A2ML1: variants seen among roughly 807,000 people sequenced by gnomAD.
A2ML1 encodes alpha-2-macroglobulin like 1.
A2ML1 carries 161 observed loss-of-function variants against 181.9 expected under a neutral mutation model. The observed-to-expected ratio is 0.89, with a 90% CI of 0.78 to 1.01. The LOEUF (loss-of-function observed/expected upper bound fraction) is 1.01, where lower values mean the gene tolerates loss of function less well. Ranked by LOEUF, A2ML1 falls within the 50% of genes least tolerant of loss-of-function variation. The probability of loss-of-function intolerance (pLI) is 0.00; values close to 1 mark genes in which losing one functional copy is unlikely to be tolerated. For missense variants in A2ML1, 1,670 were observed against 1,768.1 expected (o/e 0.94, Z 1.00); for synonymous variants, 663 against 666.8 (o/e 0.99, Z 0.09).
downstream of A2ML1, among the ~76,000 whole-genome samples, chr12:8,876,982 G>A (rs7308324): frequency 0.59 from 89,332 of 151,946 alleles, 27,492 homozygotes; most frequent in Middle Eastern, 0.73. Context: ...CAACCAGCCC[G>A]CTACTGCAGG....
At chr12:8,858,911 A>G (rs1555115060) in intron 26 of A2ML1, among the ~76,000 whole-genome samples, 1 of 152,196 alleles carries the variant, frequency 6.6e-6, no homozygotes, top group Non-Finnish European at 1.5e-5. Context: ...AGTTTACTCT[A>G]TTGGGCACTA....
intron 10 of A2ML1, 139 bp from the exon 11 acceptor site, chr12:8,841,230 A>T (rs1943468938): frequency 8.1e-6 from 6 of 737,504 alleles, no homozygotes; most frequent in Non-Finnish European, 1.3e-5. Context: ...TCTTTCCTGA[A>T]ATGTATTCTT....
Position 8,841,457 on chromosome 12 carries a change from C to A in A2ML1, c.1169C>A (p.Thr390Asn). 6.2e-7 allele frequency: 1 copy of A among 1,613,862 alleles called. No homozygotes were observed. Among genetic ancestry groups the A allele is most frequent in the South Asian group, 1.1e-5 (1 of 91,068 alleles). Reference sequence around the variant, plus strand: ...GGCACAAATGGAACCTTCAACCAGACCCTGGTTACTGATAACAATGGCCTA... The same window carrying A: ...GGCACAAATGGAACCTTCAACCAGAACCTGGTTACTGATAACAATGGCCTA... ...IYGTNGTFNQ[T>N]LVTDNNGLAP... The change falls in exon 11 of 36, where the codon ACC (threonine) becomes AAC (asparagine). Residue 390 changes from threonine (T) to asparagine (N), a missense_variant. Physicochemically the swap from Thr to Asn is moderately conservative, Grantham distance 65. Coordinates refer to ENST00000299698, the MANE Select transcript of A2ML1 (RefSeq NM_144670.6).
chr12:8,848,873 C>A lies in A2ML1; in HGVS notation c.1987C>A (p.Pro663Thr). 6.2e-7 allele frequency: 1 copy of A among 1,614,052 alleles called. No individual in the cohort carries two copies. Among genetic ancestry groups the A allele is most frequent in the Middle Eastern group, 1.7e-4 (1 of 6,050 alleles). Residue 663 changes from proline (P) to threonine (T), a missense_variant, in exon 16 of 36, where the codon CCC becomes ACC. Physicochemically the swap from Pro to Thr is conservative, Grantham distance 38. Transcript: ENST00000299698. ...GAGCCAGCGTTCCATTATCTGGAGG[C>A]CCTCGTTCTCTGAAGGCACGGACCT... is the stretch of plus-strand genomic sequence containing the variant. ...HSSQRSIIWRPSFSEGTDLFS... is the reference protein window; with the variant it reads ...HSSQRSIIWRTSFSEGTDLFS...
intron 21 of A2ML1, among the ~76,000 whole-genome samples, 155 bp downstream of exon 21, chr12:8,854,404 A>G (rs1307991452): frequency 6.6e-6 from 1 of 152,090 alleles, no homozygotes; most frequent in Non-Finnish European, 1.5e-5. Flanking sequence ...TGCCTAATCC[A>G]CACCCACGGC....
rs756409438 is a variant in A2ML1, at chr12:8,851,833, G to T, written c.2284G>T (p.Glu762Ter). 2 of 1,614,176 alleles carry T rather than the reference G, an allele frequency of 1.2e-6. No individual in the cohort carries two copies. The highest frequency in any genetic ancestry group is 1.7e-5 in the Admixed American group (1 of 60,018). Residue 762 changes from glutamate to a stop codon, truncating the protein, a stop_gained, in exon 19 of 36, where the codon GAG becomes TAG. Coordinates refer to ENST00000299698, the MANE Select transcript of A2ML1 (RefSeq NM_144670.6). LOFTEE classifies it high-confidence loss of function. ...VHVTVPDAIT[E>*]WKAMSFCTSQ... The stretch of plus-strand genomic sequence containing the variant: ...CGTCACAGTTCCTGACGCCATCACC[G>T]AGTGGAAGGCGATGAGTTTCTGCAC...
chr12:8,857,764 C>G, intron 25 of A2ML1, 176 bp downstream of exon 25: 1 of 1,089,274 alleles, frequency 9.2e-7, no homozygotes. Context: ...TCTTCCTGAG[C>G]TTGTGCCTCC....
chr12:8,838,432 G>A lies in A2ML1; in HGVS notation c.952G>A (p.Val318Ile). The A allele has an allele frequency of 1.9e-6, 3 of 1,613,680 alleles. No individual in the cohort carries two copies. The highest frequency in any genetic ancestry group is 1.6e-4 in the Middle Eastern group (1 of 6,062). ...CCATCAAATCAATATTGTGGCTACT[G>A]TTGTGGAGGAAGGGACAGGTAAGTA... is the stretch of plus-strand genomic sequence containing the variant. ...YSHQINIVAT[V>I]VEEGTGVEAN... is the part of the protein sequence containing the mutation. The change falls in exon 9 of 36, where the codon GTT becomes ATT. Residue 318 changes from valine (V) to isoleucine (I), a missense_variant. Transcript: ENST00000299698.
chr12:8,849,421 C>G (rs948968987), intron 16 of A2ML1, among the ~76,000 whole-genome samples: 1 of 152,090 alleles, frequency 6.6e-6, no homozygotes, highest in African/African-American at 2.4e-5. Context: ...AAGGACATAG[C>G]GAATAATATT....
intron 34 of A2ML1, 121 bp from the exon 35 acceptor site, chr12:8,874,850 A>G (rs1051964504): frequency 2.8e-5 from 25 of 892,578 alleles, no homozygotes; most frequent in Non-Finnish European, 4.4e-5. Flanking sequence ...TGTAATTCTG[A>G]ATATGCTCAT....
chr12:8,870,363 G>T (rs1351252208), intron 33 of A2ML1, among the ~76,000 whole-genome samples: 1 of 152,064 alleles, frequency 6.6e-6, no homozygotes, highest in South Asian at 2.1e-4. Flanking sequence ...TGCCTCCCGG[G>T]TTCATGCCAT....
Position 8,838,650 on chromosome 12 carries a change from C to T in A2ML1, c.970+200C>T, listed in dbSNP as rs10734734. Among the ~76,000 whole-genome samples, 116,780 of 151,880 alleles carry T rather than the reference C, an allele frequency of 0.77. 46,200 individuals are homozygous for T. The highest frequency in any genetic ancestry group is 1 in the East Asian group (5,157 of 5,162). On this transcript the variant is annotated intron_variant, in intron 9 of 35. Coordinates refer to ENST00000299698, the MANE Select transcript of A2ML1 (RefSeq NM_144670.6). ...ACTACGGGCCGGGCATGGTGGCTCA[C>T]GCCTGTAATGCCAGCACTTTGGGAG...
Position 8,836,328 on chromosome 12 carries a change from A to C in A2ML1, c.717A>C (p.Lys239Asn). ...CGGTGCAGGAATCTTTCTTAGTAAA[A>C]ATTTGTTGTAGGTAAGAGCAGAAGC... ...LSTVQESFLV[K>N]ICCRYTYGKP... Residue 239 changes from lysine to asparagine, a missense_variant, in exon 7 of 36, where the codon AAA becomes AAC. Coordinates refer to ENST00000299698, the MANE Select transcript of A2ML1 (RefSeq NM_144670.6). 1 of 1,613,992 alleles carries C rather than the reference A, an allele frequency of 6.2e-7. No homozygotes were observed. The highest frequency in any genetic ancestry group is 8.5e-7 in the Non-Finnish European group (1 of 1,179,950).
At chr12:8,836,365 T>G (rs767846073) in intron 7 of A2ML1, 26 bp downstream of exon 7, 19 of 1,594,252 alleles carry the variant, frequency 1.2e-5, no homozygotes, top group South Asian at 4.4e-5. Flanking sequence ...TGGGATCTGG[T>G]GGAGATTAAA....
intron 4 of A2ML1, among the ~76,000 whole-genome samples, chr12:8,832,061 T>A (rs975905637): frequency 6.6e-6 from 1 of 151,350 alleles, no homozygotes; most frequent in African/African-American, 2.4e-5. Context: ...GGAAATCGAG[T>A]TTTTAAAGAT....
Position 8,837,548 on chromosome 12 carries a change from C to T in A2ML1, c.837C>T (p.Cys279=). 6.2e-7 allele frequency: 1 copy of T among 1,613,538 alleles called. No homozygotes were observed. The highest frequency in any genetic ancestry group is 8.5e-7 in the Non-Finnish European group (1 of 1,179,682). Residue 279 remains cysteine (C), a synonymous_variant, in exon 8 of 36, where the codon TGC becomes TGT. Transcript: ENST00000299698. ...AACGGGAACAGCTTCCTGACAAATG[C>T]AGGAACCTCTCTGGACAGGTGAGTA... ...EVEREQLPDK[C]RNLSGQTDKT...
chr12:8,822,863 C>G (rs1942788437), intron 1 of A2ML1, 150 bp downstream of exon 1: 3 of 728,836 alleles, frequency 4.1e-6, no homozygotes, highest in Non-Finnish European at 6.9e-6. Flanking sequence ...TGATCCTTTA[C>G]CCAGAGAGGG....
At chr12:8,874,104 C>A (rs1944718823) in intron 33 of A2ML1, among the ~76,000 whole-genome samples, 1 of 152,086 alleles carries the variant, frequency 6.6e-6, no homozygotes, top group African/African-American at 2.4e-5. Context: ...CAACATCTGC[C>A]TCCCAGGTTC....
chr12:8,836,186 T>G, intron 6 of A2ML1, 69 bp from the exon 7 acceptor site: 2 of 1,301,242 alleles, frequency 1.5e-6, no homozygotes, highest in South Asian at 2.4e-5. Context: ...TTTATACCCC[T>G]CTGCTCACTG....
Sources: gnomAD v4.1 joint callset for allele counts (sites outside exome capture counted in the v4.1 genomes callset) on GRCh38, gnomAD v4.1.1 for gene constraint, MANE v1.5 for transcripts, NCBI Gene and HGNC (gene_info 2026-07-23, HGNC 2026-07-21) for gene names.